Variants in LPCAT1 observed in about 807,000 individuals in gnomAD.
LPCAT1 encodes the protein 1-acylglycerol-3-phosphate O-acyltransferase.
LPCAT1 carries 23 observed loss-of-function variants against 60.9 expected under a neutral mutation model. The ratio of observed to expected loss-of-function variants is 0.38; its 90% CI spans 0.27 to 0.53. The LOEUF (loss-of-function observed/expected upper bound fraction) is 0.53, where lower values mean the gene tolerates loss of function less well. LPCAT1 is among the 20% of genes least tolerant of loss of function. The pLI, the probability that LPCAT1 is intolerant of heterozygous loss-of-function variation, is 0.82. For missense variants in LPCAT1, 622 were observed against 723.6 expected (o/e 0.86, Z 1.61); for synonymous variants, 340 against 301.1 (o/e 1.13, Z -1.34).
intron 1 of LPCAT1, among the ~76,000 whole-genome samples, chr5:1,504,320 G>C (rs1001774651): frequency 6.6e-6 from 1 of 152,264 alleles, no homozygotes; most frequent in Non-Finnish European, 1.5e-5. Flanking sequence ...GCGCAGCGGA[G>C]GAGACCGTAG....
chr5:1,517,055 T>C (rs551355718), intron 1 of LPCAT1, among the ~76,000 whole-genome samples: 1 of 152,376 alleles, frequency 6.6e-6, no homozygotes, highest in South Asian at 2.1e-4. Flanking sequence ...AAAATAATGT[T>C]ATTTCCAAAC....
chr5:1,465,698 G>GCA (rs550627850), intron 13 of LPCAT1, among the ~76,000 whole-genome samples: 1 of 151,858 alleles, frequency 6.6e-6, no homozygotes, highest in Non-Finnish European at 1.5e-5. Context: ...GCACATGCAC[G>GCA]CACACACACA....
At chr5:1,514,045 A>G (rs559869332) in intron 1 of LPCAT1, among the ~76,000 whole-genome samples, 35 of 152,362 alleles carry the variant, frequency 2.3e-4, no homozygotes, top group African/African-American at 7.9e-4. Flanking sequence ...CGGGCCCTGG[A>G]GGTGGGAGTC....
chr5:1,494,156 G>A lies in LPCAT1; in HGVS notation c.493+544C>T, dbSNP rs533677053. Among the ~76,000 whole-genome samples, 18 of 152,278 alleles carry A rather than the reference G, an allele frequency of 1.2e-4. No individual in the cohort carries two copies. The South Asian group carries it at 1.5e-3, about 12-fold the overall frequency. On this transcript the variant is annotated intron_variant, in intron 3 of 13. Transcript: ENST00000283415. ...CCAGGTGCTCAGGTCCCTGGTTCAC[G>A]GCACAGCCGCGGTGCATGGGCAGCC...
In LPCAT1 at chr5:1,522,655, T is replaced by G. The variant is rs1285541693; in HGVS notation, c.135+1055A>C. Among the ~76,000 whole-genome samples the G allele has an allele frequency of 1.3e-5, 2 of 152,170 alleles. No individual in the cohort carries two copies. Among genetic ancestry groups the G allele is most frequent in the African/African-American group, 4.8e-5 (2 of 41,438 alleles). ...GCCTCAAGAACTTTTCACTTCAGGG[T>G]TCTTTCAGATAAAGTACTTTATGCA... On this transcript the variant is annotated intron_variant, in intron 1 of 13. Coordinates refer to ENST00000283415, the MANE Select transcript of LPCAT1 (RefSeq NM_024830.5). This position sits in a 1 kb window ranked among gnomAD's most constrained non-coding sequence, Gnocchi z 6.8.
intron 12 of LPCAT1, among the ~76,000 whole-genome samples, chr5:1,467,701 C>G (rs577399800): frequency 1.1e-4 from 17 of 151,174 alleles, no homozygotes; most frequent in African/African-American, 4.2e-4. Flanking sequence ...AGGGTCCTGC[C>G]CCAGCCCTTT....
chr5:1,496,964 C>CG lies in LPCAT1; in HGVS notation c.279-2051_279-2050insC, dbSNP rs1277427972. On this transcript the variant is annotated intron_variant, in intron 2 of 13. Transcript: ENST00000283415. The surrounding 1 kb of genome is among the most constrained non-coding windows in gnomAD (Gnocchi z 4.7). The stretch of plus-strand genomic sequence containing the variant: ...CATACACAGGAGCGGGGATCTCCAT[C>CG]AGCACCCCCAGGAAATCCACTCCGT... Among the ~76,000 whole-genome samples, 1 of 152,172 alleles carries CG rather than the reference C, an allele frequency of 6.6e-6. No homozygotes were observed. Among genetic ancestry groups the CG allele is most frequent in the Non-Finnish European group, 1.5e-5 (1 of 68,036 alleles).
chr5:1,470,906 C>T lies in LPCAT1; in HGVS notation c.1198G>A (p.Asp400Asn). The change falls in exon 12 of 14, where the codon GAC becomes AAC. Residue 400 changes from aspartate to asparagine, a missense_variant. Physicochemically the swap from Asp to Asn is conservative, Grantham distance 23 (BLOSUM62 1). This residue lies in a region of LPCAT1 where 288 missense variants were observed against 283.6 expected (regional missense o/e 1.02). Coordinates refer to ENST00000283415, the MANE Select transcript of LPCAT1 (RefSeq NM_024830.5). ...LFDESGSGEV[D>N]LRECVVALSV... ...AGGGCAACCACACACTCTCGCAGGTCCACCTCGCCGCTGCCGCTCTGTGGG... is the reference window on the plus strand; with the variant it reads ...AGGGCAACCACACACTCTCGCAGGTTCACCTCGCCGCTGCCGCTCTGTGGG... 2 of 1,613,230 alleles carry T rather than the reference C, an allele frequency of 1.2e-6. No individual in the cohort carries two copies. Among genetic ancestry groups the T allele is most frequent in the Non-Finnish European group, 1.7e-6 (2 of 1,179,958 alleles).
intron 1 of LPCAT1, among the ~76,000 whole-genome samples, chr5:1,509,487 T>G (rs1166636773): frequency 2.6e-5 from 4 of 152,204 alleles, no homozygotes; most frequent in Non-Finnish European, 5.9e-5. Flanking sequence ...GAACAACTTT[T>G]GAAAGCACAG....
At chr5:1,494,632 G>A in intron 3 of LPCAT1, 68 bp downstream of exon 3, 1 of 1,426,242 alleles carries the variant, frequency 7.0e-7, no homozygotes, top group Non-Finnish European at 9.9e-7. Context: ...CTTATTCTCA[G>A]CAGCAGGGGG....
rs1007521099 is a variant in LPCAT1 at position 1,463,266 on chromosome 5, G to A, written c.*385C>T. 5.6e-5 allele frequency: 11 copies of A among 196,434 alleles called. No homozygotes were observed. The highest frequency in any genetic ancestry group is 1.1e-4 in the Non-Finnish European group (11 of 96,388). 12.2% of individuals were successfully genotyped at this position (196,434 alleles called of 1,614,324 possible). On this transcript the variant is annotated 3_prime_UTR_variant, in exon 14 of 14. Transcript: ENST00000283415. The stretch of plus-strand genomic sequence containing the variant: ...ACACGCAAGCGCACGCTGTGTGGCA[G>A]GCGTGTGCTGAGTGTGCACGGAGGC...
chr5:1,486,743 C>T (rs1038743305), intron 5 of LPCAT1, among the ~76,000 whole-genome samples: 4 of 152,150 alleles, frequency 2.6e-5, no homozygotes, highest in East Asian at 1.9e-4. Flanking sequence ...CCAGCTAAGA[C>T]GCATGAGGGC....
rs1277741323 is a variant in LPCAT1 at position 1,501,315 on chromosome 5, G to A, written c.278+146C>T. 2.7e-6 allele frequency: 3 copies of A among 1,129,360 alleles called. No homozygotes were observed. The African/African-American group carries it at 4.7e-5, about 18-fold the overall frequency. 70.0% of individuals were successfully genotyped at this position (1,129,360 alleles called of 1,614,324 possible). On this transcript the variant is annotated intron_variant, in intron 2 of 13. Coordinates refer to ENST00000283415, the MANE Select transcript of LPCAT1 (RefSeq NM_024830.5). ...GAGGTGGCCGAGTCCCCACTGGCAG[G>A]GGGCAGCCCTGGTGGACGCTGGGCT...
intron 7 of LPCAT1, 34 bp from the exon 8 acceptor site, chr5:1,479,709 T>G: frequency 1.3e-6 from 2 of 1,554,414 alleles, no homozygotes; most frequent in Non-Finnish European, 1.8e-6. Context: ...TGAGCAGATT[T>G]ACAACTCGGG....
At chr5:1,466,724 G>A (rs2126472779) in intron 13 of LPCAT1, 25 bp downstream of exon 13, 1 of 1,594,864 alleles carries the variant, frequency 6.3e-7, no homozygotes. Context: ...GGGTCGCGAG[G>A]ACGACCCCAC....
intron 12 of LPCAT1, among the ~76,000 whole-genome samples, chr5:1,468,905 CCCTT>C (rs1734552285): frequency 6.6e-6 from 1 of 152,344 alleles, no homozygotes; most frequent in Admixed American, 6.5e-5. Context: ...TCCGTGGAAG[CCCTT>C]CCTGCTACAT....
At chr5:1,513,703 TTTCCTCCATTTCCACAGGC>T (rs1283148711) in intron 1 of LPCAT1, among the ~76,000 whole-genome samples, 2 of 148,448 alleles carry the variant, frequency 1.3e-5, no homozygotes, top group African/African-American at 5.1e-5. Context: ...TGCGATTACA[TTTCCTCCATTTCCACAGGC>T]TCTCACCCGT....
At chr5:1,490,146 A>C (rs1341060052) in intron 3 of LPCAT1, among the ~76,000 whole-genome samples, 1 of 152,208 alleles carries the variant, frequency 6.6e-6, no homozygotes, top group East Asian at 1.9e-4. Context: ...AGGTCAATGA[A>C]AGACAACCGC....
chr5:1,477,503 G>A lies in LPCAT1; in HGVS notation c.817-17C>T. Reference sequence around the variant, plus strand: ...AGGAAGGAACTGAGCACACAGAGAAGCTGCGTTAGTATCACAAGACGCTGA... The same window carrying A: ...AGGAAGGAACTGAGCACACAGAGAAACTGCGTTAGTATCACAAGACGCTGA... On this transcript the variant is annotated splice_polypyrimidine_tract_variant and intron_variant, in intron 8 of 13. Transcript: ENST00000283415. The surrounding 1 kb of genome is among the most constrained non-coding windows in gnomAD (Gnocchi z 6.0). The A allele has an allele frequency of 6.3e-7, 1 of 1,595,846 alleles. No individual in the cohort carries two copies. Among genetic ancestry groups the A allele is most frequent in the Non-Finnish European group, 8.6e-7 (1 of 1,165,520 alleles).
Sources: allele counts gnomAD v4.1 joint callset (sites outside exome capture counted in the v4.1 genomes callset), GRCh38; gene constraint gnomAD v4.1.1; regional missense constraint gnomAD v4.1.1; non-coding constraint Gnocchi (gnomAD v3.1); transcripts MANE v1.5; gene names NCBI Gene and HGNC (gene_info 2026-07-23, HGNC 2026-07-21).